The following CAPN12 variants were observed in gnomAD, a reference collection of about 807,000 sequenced individuals.
CAPN12 encodes the protein calpain-12.
CAPN12 carries 107 observed loss-of-function variants against 95.0 expected under a neutral mutation model. That is an observed-to-expected ratio of 1.13 (90% confidence interval 0.96 to 1.32). CAPN12 has a LOEUF of 1.32. Ranked by LOEUF, CAPN12 falls within the 40% of genes most tolerant of loss-of-function variation. The pLI is 0.00. For missense variants in CAPN12, 1,136 were observed against 997.8 expected, an observed-to-expected ratio of 1.14 and a Z score of -1.87; for synonymous variants, 505 against 415.5, an observed-to-expected ratio of 1.22 and a Z score of -2.62.
chr19:38,737,579 G>T lies in CAPN12; in HGVS notation c.1025C>A (p.Pro342Gln). ...CTCCGGGCTGGGGCCCAGCACCTCC[G>T]GGCTCAGCGAGCAGATCTGCACGGT... ...FDTVQICSLSPEVLGPSPEGG... is the reference protein window; with the variant it reads ...FDTVQICSLSQEVLGPSPEGG... The change falls in exon 9 of 21, where the codon CCG (proline) becomes CAG (glutamine). Residue 342 changes from proline (P) to glutamine (Q), a missense_variant. Coordinates refer to ENST00000328867, the MANE Select transcript of CAPN12 (RefSeq NM_144691.4). 2 of 1,612,236 alleles carry T rather than the reference G, an allele frequency of 1.2e-6. No individual in the cohort carries two copies. Among genetic ancestry groups the T allele is most frequent in the Non-Finnish European group, 1.7e-6 (2 of 1,179,760 alleles).
At chr19:38,743,165 G>A in intron 1 of CAPN12, 63 bp from the exon 2 acceptor site, 1 of 1,590,724 alleles carries the variant, frequency 6.3e-7, no homozygotes, top group South Asian at 1.1e-5. Context: ...TCATCCAGAG[G>A]AGTGAGGGCC....
rs776538864 is a variant in CAPN12, at chr19:38,735,451, G to A, written c.1627-22C>T. 16 of 1,610,942 alleles carry A rather than the reference G, an allele frequency of 9.9e-6. No individual in the cohort carries two copies. The South Asian group carries it at 1.1e-4, about 11-fold the overall frequency. ...GGCCCTGCCGCATGGCGGAAGTTTA[G>A]CGCTGGCCAAGATCCCCGCCCCATG... On this transcript the variant is annotated intron_variant, in intron 13 of 20. Transcript: ENST00000328867.
Position 38,742,289 on chromosome 19 carries a change from A to T in CAPN12, c.426+121T>A, listed in dbSNP as rs1970590671. 23 of 788,572 alleles carry T rather than the reference A, an allele frequency of 2.9e-5. No homozygotes were observed. The South Asian group carries it at 3.6e-4, about 12-fold the overall frequency. The allele number at this position is 788,572 out of a possible 1,614,324, so 48.8% of individuals were successfully genotyped here. On this transcript the variant is annotated intron_variant, in intron 3 of 20. Coordinates refer to ENST00000328867, the MANE Select transcript of CAPN12 (RefSeq NM_144691.4). ...GGTTGCAGTGAGCCGAGATTGTGCC[A>T]CTGCACTCCAGCCTGGATGACAGAG...
intron 4 of CAPN12, 131 bp from the exon 5 acceptor site, chr19:38,740,350 T>G: frequency 1.0e-6 from 1 of 999,586 alleles, no homozygotes; most frequent in Non-Finnish European, 1.4e-6. Flanking sequence ...TTTTGAGACT[T>G]TTTCCAGGGT....
intron 10 of CAPN12, chr19:38,736,767 G>A (rs930655998): frequency 1.5e-4 from 97 of 633,552 alleles, no homozygotes; most frequent in South Asian, 5.4e-4. Context: ...CGCTCCCAGC[G>A]CCTTCTCTGT....
rs759528200 is a variant in CAPN12, at chr19:38,744,148, C to T, written c.18G>A (p.Gly6=). Residue 6 remains glycine, a synonymous_variant, in exon 1 of 21, where the codon GGG becomes GGA. Coordinates refer to ENST00000328867, the MANE Select transcript of CAPN12 (RefSeq NM_144691.4). ...CATCCACGAGCTGGATGGTGACCCT[C>T]CCACTGCTGGATGCCATCTGGACAC... MASSS[G]RVTIQLVDEE... is the part of the protein sequence containing the mutation. 1.4e-5 allele frequency: 23 copies of T among 1,613,922 alleles called. No individual in the cohort carries two copies. In the African/African-American group the frequency reaches 3.1e-4, roughly 22 times the overall value.
chr19:38,730,456 G>GAT lies in CAPN12; in HGVS notation c.*394_*395dup, dbSNP rs1305241397. ...TTTTTTTTTTGAGTTTATTCTGATT[G>GAT]ATTTTTTTTCTTGGTTTCTGGATAA... On this transcript the variant is annotated 3_prime_UTR_variant, in exon 21 of 21. Coordinates refer to ENST00000328867, the MANE Select transcript of CAPN12 (RefSeq NM_144691.4). 9.3e-6 allele frequency: 2 copies of GAT among 215,156 alleles called. No individual in the cohort carries two copies. The highest frequency in any genetic ancestry group is 2.3e-4 in the East Asian group (2 of 8,804). 13.3% of individuals were successfully genotyped at this position (215,156 alleles called of 1,614,324 possible). A position where few individuals can be genotyped will look rare whatever the true frequency, so the allele number is the denominator to read the frequency against.
At position 38,735,490 on chromosome 19, in the gene CAPN12, A is replaced by T. The variant is rs1268345359; in HGVS notation, c.1626+12T>A. The T allele has an allele frequency of 1.9e-6, 3 of 1,610,960 alleles. No homozygotes were observed. The highest frequency in any genetic ancestry group is 2.5e-6 in the Non-Finnish European group (3 of 1,179,354). On this transcript the variant is annotated intron_variant, in intron 13 of 20. Transcript: ENST00000328867. The stretch of plus-strand genomic sequence containing the variant: ...CCCCGCCCCATGCCGCCCCTCCAGG[A>T]ACAGTCCCCACCTGGAGAGACTGCA...
chr19:38,743,875 CCTCCAG>C (rs1970734169), intron 1 of CAPN12, 48 bp downstream of exon 1: 4 of 1,527,464 alleles, frequency 2.6e-6, no homozygotes, highest in Non-Finnish European at 2.7e-6. Flanking sequence ...GGAGTCCATG[CCTCCAG>C]CCCCTCCTCC....
Position 38,737,359 on chromosome 19 carries a change from A to C in CAPN12, c.1159T>G (p.Leu387Val), listed in dbSNP as rs1970270855. 6.2e-7 allele frequency: 1 copy of C among 1,608,002 alleles called. No homozygotes were observed. Among genetic ancestry groups the C allele is most frequent in the South Asian group, 1.1e-5 (1 of 90,790 alleles). The change falls in exon 10 of 21, where the codon TTA becomes GTA. Residue 387 changes from leucine (L) to valine (V), a missense_variant. Coordinates refer to ENST00000328867, the MANE Select transcript of CAPN12 (RefSeq NM_144691.4). Reference protein sequence around the residue: ...ETFWTNPQFRLTLLEPDEEDD... With the variant: ...ETFWTNPQFRVTLLEPDEEDD... The stretch of plus-strand genomic sequence containing the variant: ...TCCTCATCAGGCTCCAGCAGCGTTA[A>C]ACGGAACTGAGGATTGGTCCAGAAG...
intron 10 of CAPN12, 144 bp from the exon 11 acceptor site, chr19:38,736,707 C>T: frequency 1.9e-6 from 2 of 1,069,714 alleles, no homozygotes; most frequent in African/African-American, 1.6e-5. Context: ...CCCCGCAGTC[C>T]CCGACCCAGG....
intron 15 of CAPN12, 92 bp from the exon 16 acceptor site, chr19:38,734,481 T>C (rs1364345282): frequency 2.1e-5 from 23 of 1,119,278 alleles, no homozygotes; most frequent in Admixed American, 1.3e-4. Flanking sequence ...AAGCAGGTGA[T>C]GTTGTCAGTC....
rs1286418324 is a variant in CAPN12 at position 38,738,426 on chromosome 19, C to G, written c.882G>C (p.Trp294Cys). The part of the protein sequence containing the change: ...PWGCVEWTGA[W>C]SDSCPRWDTL... ...CCCCAGACCCATCCCACCTGTCGCT[C>G]CAGGCCCCCGTCCACTCCACGCAGC... Residue 294 changes from tryptophan (W) to cysteine (C), a missense_variant, in exon 7 of 21, where the codon TGG (tryptophan) becomes TGC (cysteine). Transcript: ENST00000328867. 6.2e-7 allele frequency: 1 copy of G among 1,609,940 alleles called. No homozygotes were observed. The highest frequency in any genetic ancestry group is 1.3e-5 in the African/African-American group (1 of 75,004).
chr19:38,742,199 G>A, intron 3 of CAPN12: 2 of 613,650 alleles, frequency 3.3e-6, no homozygotes, highest in East Asian at 2.8e-5. Context: ...GATGGCGGGT[G>A]CCTGTAATCC....
chr19:38,735,180 G>T (rs145370490), intron 14 of CAPN12, 190 bp downstream of exon 14: 2 of 630,156 alleles, frequency 3.2e-6, no homozygotes, highest in African/African-American at 3.7e-5. Flanking sequence ...CTGGGAGAGG[G>T]TATGGACTGA....
rs1196035887 is a variant in CAPN12 at position 38,744,223 on chromosome 19, C to T, written c.-58G>A. ...CCTTTAACCTCCTGAGTCACGGGGG[C>T]GGGGCCTCTCTTCCATTGGAGCCCC... is the stretch of plus-strand genomic sequence containing the variant. On this transcript the variant is annotated 5_prime_UTR_variant, in exon 1 of 21. Transcript: ENST00000328867. The T allele has an allele frequency of 1.1e-5, 16 of 1,518,436 alleles. No homozygotes were observed. Among genetic ancestry groups the T allele is most frequent in the South Asian group, 4.5e-5 (4 of 89,298 alleles). 94.1% of individuals were successfully genotyped at this position (1,518,436 alleles called of 1,614,324 possible).
At chr19:38,736,008 AGGTCTCGGGGGTCTCGGGGGTCTCGGG>A (rs368493626) in intron 12 of CAPN12, 75 bp downstream of exon 12, 4,128 of 380,448 alleles carry the variant, frequency 0.011, 119 homozygotes, top group Non-Finnish European at 0.012. Flanking sequence ...GGGGCAGGTC[AGGTCTCGGGGGTCTCGGGGGTCTCGGG>A]GGTCTCGGGG....
rs1030296246 is a variant in CAPN12 at position 38,736,175 on chromosome 19, G to C, written c.1518C>G (p.Thr506=). The C allele has an allele frequency of 7.3e-6, 11 of 1,512,914 alleles. No homozygotes were observed. In the Admixed American group the frequency reaches 1.2e-4, roughly 17 times the overall value. 93.7% of individuals were successfully genotyped at this position (1,512,914 alleles called of 1,614,324 possible). A position where few individuals can be genotyped will look rare whatever the true frequency, so the allele number is the denominator to read the frequency against. The part of the protein sequence containing the change: ...RPGHYLVVPS[T]AHAGDEADFT... ...AGTCAGCCTCGTCGCCGGCGTGGGCGGTGCTCGGCACCACCAGGTAGTGGC... is the reference window on the plus strand; with the variant it reads ...AGTCAGCCTCGTCGCCGGCGTGGGCCGTGCTCGGCACCACCAGGTAGTGGC... Residue 506 remains threonine (T), a synonymous_variant, in exon 12 of 21, where the codon ACC becomes ACG. Transcript: ENST00000328867.
rs1970464030 is a variant in CAPN12 at position 38,740,134 on chromosome 19, A to G, written c.646T>C (p.Tyr216His). 6.2e-7 allele frequency: 1 copy of G among 1,613,592 alleles called. No homozygotes were observed. Among genetic ancestry groups the G allele is most frequent in the South Asian group, 1.1e-5 (1 of 91,022 alleles). Reference sequence around the variant, plus strand: ...AGCCCCATGCTGTTTTGTCTCAGATAGAGCACCTCGCCCACGCCGCCTGTG... The same window carrying G: ...AGCCCCATGCTGTTTTGTCTCAGATGGAGCACCTCGCCCACGCCGCCTGTG... ...DFTGGVGEVL[Y>H]LRQNSMGLFS... is the part of the protein sequence containing the mutation. The change falls in exon 5 of 21, where the codon TAT becomes CAT. Residue 216 changes from tyrosine (Y) to histidine (H), a missense_variant. Transcript: ENST00000328867.
Sources: allele counts gnomAD v4.1 joint callset, GRCh38; gene constraint gnomAD v4.1.1; transcripts MANE v1.5; gene names NCBI Gene and HGNC (gene_info 2026-07-23, HGNC 2026-07-21).